DNAJA2: variants seen among roughly 807,000 people sequenced by gnomAD.
DNAJA2 encodes dnaJ homolog subfamily A member 2.
DNAJA2 carries 6 observed loss-of-function variants against 49.3 expected under a neutral mutation model. The observed-to-expected ratio is 0.12, with a 90% CI of 0.07 to 0.24. The LOEUF (loss-of-function observed/expected upper bound fraction) is 0.24. Ranked by LOEUF, DNAJA2 falls within the 10% of genes least tolerant of loss-of-function variation. The pLI is 1.00. For missense variants in DNAJA2, 347 were observed against 516.8 expected, an observed-to-expected ratio of 0.67 and a Z score of 3.19; for synonymous variants, 160 against 172.7, an observed-to-expected ratio of 0.93 and a Z score of 0.58.
At chr16:46,958,817 C>A in intron 8 of DNAJA2, 186 bp downstream of exon 8, 1 of 579,554 alleles carries the variant, frequency 1.7e-6, no homozygotes, top group Non-Finnish European at 2.8e-6. Context: ...TGGCAACACA[C>A]ACCTGTAGTC....
chr16:46,958,634 C>A (rs1961851313), intron 8 of DNAJA2: 1 of 179,614 alleles, frequency 5.6e-6, no homozygotes, highest in Non-Finnish European at 1.2e-5. Flanking sequence ...AACAAACTTA[C>A]CAGGCATCGT....
In DNAJA2 at chr16:46,973,542, C is replaced by T; in HGVS notation, c.31G>A (p.Asp11Asn). The T allele has an allele frequency of 1.2e-6, 2 of 1,602,474 alleles. No individual in the cohort carries two copies. Among genetic ancestry groups the T allele is most frequent in the Non-Finnish European group, 1.7e-6 (2 of 1,177,778 alleles). Residue 11 changes from aspartate to asparagine, a missense_variant, in exon 1 of 9, where the codon GAC becomes AAC. By Grantham distance (23) the Asp-to-Asn change is conservative. Transcript: ENST00000317089. MANVADTKLY[D>N]ILGVPPGASE... is the part of the protein sequence containing the mutation. The stretch of plus-strand genomic sequence containing the variant: ...GCGCCGGGCGGGACGCCCAGGATGT[C>T]GTACAGCTTCGTGTCAGCCACGTTA...
At position 46,964,799 on chromosome 16, in the gene DNAJA2, T is replaced by C. The variant is rs866713385; in HGVS notation, c.586A>G (p.Ile196Val). 1.9e-6 allele frequency: 3 copies of C among 1,613,560 alleles called. No homozygotes were observed. The highest frequency in any genetic ancestry group is 1.7e-4 in the Middle Eastern group (1 of 6,056). ...TTTTTACAGCGGTCTTTTTCATTAA[T>C]TACCTCTCCTGGAAAGAGAAGTCAT... is the stretch of plus-strand genomic sequence containing the variant. Reference protein sequence around the residue: ...CSDCNGEGEVINEKDRCKKCE... With the variant: ...CSDCNGEGEVVNEKDRCKKCE... The change falls in exon 6 of 9, where the codon ATT becomes GTT. Residue 196 changes from isoleucine to valine, a missense_variant. Transcript: ENST00000317089.
intron 6 of DNAJA2, among the ~76,000 whole-genome samples, chr16:46,963,389 C>T (rs2143648470): frequency 1.3e-5 from 2 of 152,046 alleles, no homozygotes; most frequent in East Asian, 3.9e-4. Flanking sequence ...ATACACTAGG[C>T]TGGGCACTGT....
chr16:46,973,461 G>A (rs1281580683), intron 1 of DNAJA2, 34 bp downstream of exon 1: 2 of 1,566,316 alleles, frequency 1.3e-6, no homozygotes, highest in East Asian at 2.5e-5. Flanking sequence ...CAGGCCCCGC[G>A]CCCCTCACAC....
At chr16:46,969,001 C>A (rs1859643913) in intron 3 of DNAJA2, among the ~76,000 whole-genome samples, 1 of 152,122 alleles carries the variant, frequency 6.6e-6, no homozygotes, top group South Asian at 2.1e-4. Flanking sequence ...GAGCTGAGAT[C>A]GTACCACTGC....
chr16:46,964,318 GC>G (rs1417786425), intron 6 of DNAJA2, among the ~76,000 whole-genome samples: 17 of 152,334 alleles, frequency 1.1e-4, no homozygotes, highest in African/African-American at 3.8e-4. Context: ...GTTGTAGTGA[GC>G]CGAGATCGCA....
At chr16:46,964,944 GCA>G (rs2143651112) in intron 5 of DNAJA2, 137 bp from the exon 6 acceptor site, 2 of 718,174 alleles carry the variant, frequency 2.8e-6, no homozygotes, top group African/African-American at 1.8e-5. Flanking sequence ...CTGAGGCCAA[GCA>G]CAGTGGCTCA....
In DNAJA2 at chr16:46,956,146, A is replaced by T. The variant is rs1267189542; in HGVS notation, c.*883T>A. The T allele has an allele frequency of 6.6e-6, 1 of 152,220 alleles. No homozygotes were observed. The highest frequency in any genetic ancestry group is 2.4e-5 in the African/African-American group (1 of 41,456). 9.4% of individuals were successfully genotyped at this position (152,220 alleles called of 1,614,324 possible). A position where few individuals can be genotyped will look rare whatever the true frequency, so the allele number is the denominator to read the frequency against. ...GGGGGTGGTGGTAGGGAGATACAGA[A>T]GTCAGGCTAGCCCAGTGCTTGGGAG... On this transcript the variant is annotated 3_prime_UTR_variant, in exon 9 of 9. Coordinates refer to ENST00000317089, the MANE Select transcript of DNAJA2 (RefSeq NM_005880.4).
intron 6 of DNAJA2, 49 bp downstream of exon 6, chr16:46,964,562 G>T: frequency 6.5e-7 from 1 of 1,542,440 alleles, no homozygotes. Flanking sequence ...CAAGCAAGAA[G>T]TACTTCTGAA....
At chr16:46,957,933 C>T (rs1040393930) in intron 8 of DNAJA2, among the ~76,000 whole-genome samples, 9 of 152,034 alleles carry the variant, frequency 5.9e-5, no homozygotes, top group Non-Finnish European at 1.3e-4. Flanking sequence ...TCTACAATTC[C>T]CTGCTTGGCC....
intron 3 of DNAJA2, among the ~76,000 whole-genome samples, chr16:46,969,239 C>A (rs938280432): frequency 6.6e-5 from 10 of 152,158 alleles, no homozygotes; most frequent in Non-Finnish European, 1.2e-4. Context: ...TTCAAACTTT[C>A]TTAAAATTGT....
At chr16:46,965,979 T>G (rs1961964025) in intron 5 of DNAJA2, among the ~76,000 whole-genome samples, 1 of 152,038 alleles carries the variant, frequency 6.6e-6, no homozygotes, top group Admixed American at 6.5e-5. Context: ...ATCCCAGCCC[T>G]TTGGGAGGCT....
At position 46,958,263 on chromosome 16, in the gene DNAJA2, GA is replaced by G. The variant is rs921061679; in HGVS notation, c.1047+739del. ...AGAGCGAGACTCTCTTAAAAAGAAAGAAACTTGGCTGGGTGCAGTGGCTCAC... is the reference window on the plus strand; with the variant it reads ...AGAGCGAGACTCTCTTAAAAAGAAAGAACTTGGCTGGGTGCAGTGGCTCAC... On this transcript the variant is annotated intron_variant, in intron 8 of 8. Coordinates refer to ENST00000317089, the MANE Select transcript of DNAJA2 (RefSeq NM_005880.4). Among the ~76,000 whole-genome samples the G allele has an allele frequency of 8.0e-5, 12 of 150,444 alleles. No homozygotes were observed. The East Asian group carries it at 2.4e-3, about 30-fold the overall frequency.
chr16:46,957,242 C>G, intron 8 of DNAJA2, 22 bp from the exon 9 acceptor site: 1 of 1,557,070 alleles, frequency 6.4e-7, no homozygotes, highest in Non-Finnish European at 8.7e-7. Flanking sequence ...CAAACAAAAA[C>G]CAGGTTGGTT....
chr16:46,962,861 C>A (rs1335245508), intron 6 of DNAJA2, among the ~76,000 whole-genome samples: 1 of 152,178 alleles, frequency 6.6e-6, no homozygotes, highest in African/African-American at 2.4e-5. Context: ...GAGATCAAGT[C>A]TGACCTTGTG....
chr16:46,967,397 T>C, intron 5 of DNAJA2, 116 bp downstream of exon 5: 1 of 1,354,964 alleles, frequency 7.4e-7, no homozygotes, highest in Non-Finnish European at 9.8e-7. Context: ...CCGGCCTCCT[T>C]TTTCTTTAAT....
chr16:46,957,023 C>G lies in DNAJA2; in HGVS notation c.*6G>C. On this transcript the variant is annotated 3_prime_UTR_variant, in exon 9 of 9. Coordinates refer to ENST00000317089, the MANE Select transcript of DNAJA2 (RefSeq NM_005880.4). ...AAAATCCACCTGTGCAATTTGTTTG[C>G]AGAGTTTACTGATGGGCACACTGCA... 1 of 1,614,126 alleles carries G rather than the reference C, an allele frequency of 6.2e-7. No homozygotes were observed. The highest frequency in any genetic ancestry group is 8.5e-7 in the Non-Finnish European group (1 of 1,180,004).
intron 2 of DNAJA2, 103 bp from the exon 3 acceptor site, chr16:46,971,675 AAG>A: frequency 9.9e-7 from 1 of 1,014,100 alleles, no homozygotes; most frequent in Non-Finnish European, 1.4e-6. Context: ...AAAAAAAAAA[AAG>A]GGACAAGTTA....
Sources: gnomAD v4.1 joint callset for allele counts (sites outside exome capture counted in the v4.1 genomes callset) on GRCh38, gnomAD v4.1.1 for gene constraint, MANE v1.5 for transcripts, NCBI Gene and HGNC (gene_info 2026-07-23, HGNC 2026-07-21) for gene names.